FAM184B: variants seen among roughly 807,000 people sequenced by gnomAD.
FAM184B encodes family with sequence similarity 184 member B.
A neutral mutation model predicts 135.9 loss-of-function variants in FAM184B; 111 were observed. The observed-to-expected ratio is 0.82, with a 90% confidence interval of 0.70 to 0.96. FAM184B has a LOEUF of 0.96. Among genes scored for constraint, FAM184B ranks in the 40% least tolerant of loss-of-function variants. The probability of loss-of-function intolerance (pLI) is 0.00; values close to 1 mark genes in which losing one functional copy is unlikely to be tolerated. For synonymous variants in FAM184B, 552 were observed against 524.8 expected (o/e 1.05, Z -0.71); for missense variants, 1,375 against 1,323.9 (o/e 1.04, Z -0.60).
In FAM184B at chr4:17,709,599, T is replaced by A. The variant is rs1274344403; in HGVS notation, c.187A>T (p.Met63Leu). The change falls in exon 2 of 18, where the codon ATG (methionine) becomes TTG (leucine). Residue 63 changes from methionine (M) to leucine (L), a missense_variant. Met to Leu is a conservative substitution (Grantham distance 15). Coordinates refer to ENST00000265018, the MANE Select transcript of FAM184B (RefSeq NM_015688.2). ...NTRQDEAEAS[M>L]EALREAHQEE... ...TGGTGCGCTTCCCGCAGCGCCTCCA[T>A]GCTGGCCTCAGCCTCATCCTGGCGG... The A allele has an allele frequency of 5.2e-6, 8 of 1,540,108 alleles. No homozygotes were observed. Among genetic ancestry groups the A allele is most frequent in the Non-Finnish European group, 6.1e-6 (7 of 1,143,298 alleles).
chr4:17,647,035 G>T (rs1715486248), intron 12 of FAM184B, among the ~76,000 whole-genome samples: 1 of 152,140 alleles, frequency 6.6e-6, no homozygotes, highest in Non-Finnish European at 1.5e-5. Context: ...CAGAGGAGTA[G>T]CCCAGACCAG....
At chr4:17,653,481 G>T (rs1355111724) in intron 10 of FAM184B, among the ~76,000 whole-genome samples, 3 of 152,154 alleles carry the variant, frequency 2.0e-5, no homozygotes, top group Non-Finnish European at 4.4e-5. Context: ...CCATGCTCTT[G>T]TTTGGTCCTG....
Position 17,693,356 on chromosome 4 carries a change from C to A in FAM184B, c.1434G>T (p.Gln478His), listed in dbSNP as rs767798712. The change falls in exon 6 of 18, where the codon CAG becomes CAT. Residue 478 changes from glutamine to histidine, a missense_variant. By Grantham distance (24) the Gln-to-His change is conservative. Transcript: ENST00000265018. ...TGAGGGCTGCTTTCTCTTCTTCCAG[C>A]TGCTTTATCTCCTTTTCTGATTTCT... ...VRKKSEKEIK[Q>H]LEEEKAALNV... The A allele has an allele frequency of 6.4e-7, 1 of 1,551,716 alleles. No individual in the cohort carries two copies. The highest frequency in any genetic ancestry group is 1.4e-5 in the African/African-American group (1 of 73,160).
chr4:17,650,015 T>C (rs1037886760), intron 11 of FAM184B, among the ~76,000 whole-genome samples: 6 of 152,100 alleles, frequency 3.9e-5, no homozygotes, highest in African/African-American at 1.4e-4. Flanking sequence ...CCCATCCATC[T>C]GTGTGTCCAC....
At chr4:17,756,704 C>T (rs996687642) in intron 1 of FAM184B, among the ~76,000 whole-genome samples, 4 of 152,172 alleles carry the variant, frequency 2.6e-5, no homozygotes, top group Non-Finnish European at 5.9e-5. Flanking sequence ...GAGGGCAGAT[C>T]ACCTGAGGTC....
chr4:17,704,192 C>A (rs529293807), intron 5 of FAM184B, among the ~76,000 whole-genome samples: 1 of 152,306 alleles, frequency 6.6e-6, no homozygotes, highest in Admixed American at 6.5e-5. Flanking sequence ...AAAGAGGCCT[C>A]CTTGTAATTA....
intron 5 of FAM184B, among the ~76,000 whole-genome samples, chr4:17,697,741 GATA>G (rs1369443021): frequency 6.6e-6 from 1 of 152,162 alleles, no homozygotes; most frequent in Non-Finnish European, 1.5e-5. Context: ...AATCACCTGT[GATA>G]ATAATTTTTA....
In FAM184B at chr4:17,639,350, T is replaced by C. The variant is rs1160633705; in HGVS notation, c.2566A>G (p.Thr856Ala). ...TCCTTCCGGTGTTCCTGGCGCAGTG[T>C]CTCCACCTCCCTGGCCCGCTGGGCT... ...QQAQRAREVETLRQEHRKEMQ... is the reference protein window; with the variant it reads ...QQAQRAREVEALRQEHRKEMQ... The change falls in exon 14 of 18, where the codon ACA (threonine) becomes GCA (alanine). Residue 856 changes from threonine (T) to alanine (A), a missense_variant. By Grantham distance (58) the Thr-to-Ala change is moderately conservative. Transcript: ENST00000265018. The C allele has an allele frequency of 6.4e-7, 1 of 1,551,718 alleles. No individual in the cohort carries two copies.
chr4:17,637,277 T>G (rs1860599), intron 14 of FAM184B, among the ~76,000 whole-genome samples: 6 of 152,058 alleles, frequency 3.9e-5, no homozygotes, highest in Non-Finnish European at 8.8e-5. Flanking sequence ...TCCGCCCTCC[T>G]GGGCCTCCCA....
intron 6 of FAM184B, 61 bp downstream of exon 6, chr4:17,693,241 A>T: frequency 1.5e-6 from 2 of 1,303,798 alleles, no homozygotes; most frequent in Non-Finnish European, 1.1e-6. Flanking sequence ...CTTCTCAGTT[A>T]GGTAGAAGCT....
chr4:17,703,658 C>A (rs537605524), intron 5 of FAM184B, among the ~76,000 whole-genome samples: 2 of 152,238 alleles, frequency 1.3e-5, no homozygotes, highest in African/African-American at 4.8e-5. Flanking sequence ...TTAGGCCAGG[C>A]ATGGTGGCTC....
rs181365237 is a variant in FAM184B at position 17,771,916 on chromosome 4, A to G, written c.141+9243T>C. Reference sequence around the variant, plus strand: ...TCACATACATCCCTTATATTGGTAAAGCCTCACAACATATCACCAAGGTGG... The same window carrying G: ...TCACATACATCCCTTATATTGGTAAGGCCTCACAACATATCACCAAGGTGG... On this transcript the variant is annotated intron_variant, in intron 1 of 17. Coordinates refer to ENST00000265018, the MANE Select transcript of FAM184B (RefSeq NM_015688.2). Among the ~76,000 whole-genome samples, 157 of 152,342 alleles carry G rather than the reference A, an allele frequency of 1.0e-3. 1 individual carries two copies. Among genetic ancestry groups the G allele is most frequent in the African/African-American group, 3.7e-3 (154 of 41,568 alleles).
At chr4:17,657,646 T>C (rs1288407924) in intron 10 of FAM184B, among the ~76,000 whole-genome samples, 1 of 140,052 alleles carries the variant, frequency 7.1e-6, no homozygotes, top group Non-Finnish European at 1.5e-5. Context: ...TCTTTGTGGC[T>C]GAGCTGTTCT....
intron 1 of FAM184B, among the ~76,000 whole-genome samples, chr4:17,773,522 G>C (rs1718864052): frequency 6.6e-6 from 1 of 152,164 alleles, no homozygotes; most frequent in Non-Finnish European, 1.5e-5. Context: ...CCTGGTATCT[G>C]CTTCTCCTGT....
At chr4:17,688,571 G>A (rs1207659869) in intron 6 of FAM184B, 40 bp from the exon 7 acceptor site, 4 of 1,431,958 alleles carry the variant, frequency 2.8e-6, no homozygotes, top group Non-Finnish European at 3.8e-6. Context: ...ATGAAACCAG[G>A]TTCTACCTCC....
intron 5 of FAM184B, 130 bp downstream of exon 5, chr4:17,704,870 T>C: frequency 1.3e-6 from 1 of 769,948 alleles, no homozygotes; most frequent in Non-Finnish European, 2.1e-6. Context: ...ATTCAGAGAA[T>C]AAGCTTACAT....
At chr4:17,673,380 G>A (rs533097114) in intron 7 of FAM184B, among the ~76,000 whole-genome samples, 95 of 152,256 alleles carry the variant, frequency 6.2e-4, no homozygotes, top group Admixed American at 6.2e-3. Flanking sequence ...ACTAAAACTA[G>A]GAACTACCGT....
intron 1 of FAM184B, among the ~76,000 whole-genome samples, chr4:17,775,614 G>C (rs1718910624): frequency 6.6e-6 from 1 of 152,194 alleles, no homozygotes; most frequent in Non-Finnish European, 1.5e-5. Context: ...ATCATCTCTT[G>C]TAGCAATTTT....
chr4:17,646,754 G>T (rs1196334924), intron 12 of FAM184B, among the ~76,000 whole-genome samples: 3 of 152,140 alleles, frequency 2.0e-5, no homozygotes, highest in Non-Finnish European at 4.4e-5. Flanking sequence ...AAAAGAAAGT[G>T]ATGCTGGGCT....
Sources: allele counts gnomAD v4.1 joint callset (sites outside exome capture counted in the v4.1 genomes callset), GRCh38; gene constraint gnomAD v4.1.1; transcripts MANE v1.5; gene names NCBI Gene and HGNC (gene_info 2026-07-23, HGNC 2026-07-21).